Variants in DOCK4 observed in about 807,000 individuals in gnomAD.
DOCK4 encodes dedicator of cytokinesis protein 4.
DOCK4 carries 97 observed loss-of-function variants against 268.1 expected under a neutral mutation model. The observed-to-expected ratio is 0.36, with a 90% confidence interval of 0.31 to 0.43. The LOEUF (loss-of-function observed/expected upper bound fraction) is 0.43. Ranked by LOEUF, DOCK4 falls within the 20% of genes least tolerant of loss-of-function variation. The pLI is 1.00. For synonymous variants in DOCK4, 954 were observed against 887.2 expected (o/e 1.08, Z -1.34); for missense variants, 2,145 against 2,455.7 (o/e 0.87, Z 2.67).
In DOCK4 at chr7:111,726,492, C is replaced by T. The variant is rs1053511631; in HGVS notation, c.*1782G>A. On this transcript the variant is annotated 3_prime_UTR_variant, in exon 53 of 53. Coordinates refer to ENST00000428084, the MANE Select transcript of DOCK4 (RefSeq NM_001363540.2). ...ATATATATGAATGTGGTTACAAACA[C>T]GAAGTGTTATCAAAAGCAAAAGCTA... 1.3e-5 allele frequency: 2 copies of T among 152,246 alleles called. No individual in the cohort carries two copies. Among genetic ancestry groups the T allele is most frequent in the Admixed American group, 1.3e-4 (2 of 15,278 alleles). The allele number at this position is 152,246 out of a possible 1,614,324, so 9.4% of individuals were successfully genotyped here.
chr7:111,755,265 G>A (rs1183041335), intron 42 of DOCK4, among the ~76,000 whole-genome samples: 3 of 151,388 alleles, frequency 2.0e-5, no homozygotes, highest in African/African-American at 4.9e-5. Context: ...TAACTCAAGG[G>A]CCTGAATAGT....
chr7:111,950,234 T>C (rs1586471636), intron 8 of DOCK4, among the ~76,000 whole-genome samples: 2 of 152,212 alleles, frequency 1.3e-5, no homozygotes, highest in African/African-American at 4.8e-5. Context: ...GCCAATAATA[T>C]TGCATTCTGG....
intron 13 of DOCK4, among the ~76,000 whole-genome samples, chr7:111,910,729 C>T (rs993457538): frequency 3.3e-5 from 5 of 152,160 alleles, no homozygotes; most frequent in South Asian, 2.1e-4. Flanking sequence ...TAGCCCAGAC[C>T]GTGGAACGCC....
chr7:111,727,003 C>T lies in DOCK4; in HGVS notation c.*1271G>A, dbSNP rs1392819395. ...CCAACAAAAGAGGGAAAATATTTAA[C>T]AGTATGATTTAAAATACAGTTCATA... On this transcript the variant is annotated 3_prime_UTR_variant, in exon 53 of 53. Transcript: ENST00000428084. The T allele has an allele frequency of 6.6e-6, 1 of 152,558 alleles. No homozygotes were observed. The highest frequency in any genetic ancestry group is 1.5e-5 in the Non-Finnish European group (1 of 68,014). The allele number at this position is 152,558 out of a possible 1,614,324, so 9.5% of individuals were successfully genotyped here. A position where few individuals can be genotyped will look rare whatever the true frequency, so the allele number is the denominator to read the frequency against.
chr7:112,104,302 C>A (rs373165049), intron 1 of DOCK4, among the ~76,000 whole-genome samples: 1 of 152,144 alleles, frequency 6.6e-6, no homozygotes, highest in Non-Finnish European at 1.5e-5. Context: ...ATGAATCATA[C>A]CATTCAGCAA....
intron 5 of DOCK4, among the ~76,000 whole-genome samples, chr7:111,991,293 T>G (rs1484419088): frequency 6.6e-6 from 1 of 152,218 alleles, no homozygotes; most frequent in African/African-American, 2.4e-5. Flanking sequence ...ACTGCAGGCC[T>G]GGCCAGCAAA....
chr7:111,907,718 T>C (rs1048554005), intron 13 of DOCK4, among the ~76,000 whole-genome samples: 2 of 152,120 alleles, frequency 1.3e-5, no homozygotes, highest in South Asian at 2.1e-4. Flanking sequence ...AGGATATATA[T>C]AGATACATTA....
At chr7:111,738,473 G>C (rs1464365687) in intron 49 of DOCK4, among the ~76,000 whole-genome samples, 9 of 152,224 alleles carry the variant, frequency 5.9e-5, no homozygotes, top group Admixed American at 4.6e-4. Context: ...TAGTTTAAGA[G>C]GTTCCCCCAG....
At chr7:111,844,503 GT>G (rs1803941552) in intron 25 of DOCK4, among the ~76,000 whole-genome samples, 1 of 152,176 alleles carries the variant, frequency 6.6e-6, no homozygotes, top group Non-Finnish European at 1.5e-5. Flanking sequence ...AAAATCTTGG[GT>G]TAATTTAAAC....
intron 17 of DOCK4, among the ~76,000 whole-genome samples, 162 bp downstream of exon 17, chr7:111,876,868 C>CACT (rs1806934619): frequency 6.6e-6 from 1 of 150,874 alleles, no homozygotes; most frequent in African/African-American, 2.4e-5. Context: ...TTCAACAGGT[C>CACT]ACTGGGTCAC....
chr7:111,763,564 T>A (rs1797584297), intron 39 of DOCK4, among the ~76,000 whole-genome samples: 1 of 152,252 alleles, frequency 6.6e-6, no homozygotes, highest in South Asian at 2.1e-4. Context: ...TTAAACTACT[T>A]CTAATTTTTT....
intron 8 of DOCK4, among the ~76,000 whole-genome samples, chr7:111,950,092 A>C (rs1326707654): frequency 6.6e-6 from 1 of 152,064 alleles, no homozygotes; most frequent in Non-Finnish European, 1.5e-5. Flanking sequence ...CCACTCAGCT[A>C]ATTTTTAGAT....
intron 8 of DOCK4, among the ~76,000 whole-genome samples, chr7:111,952,918 C>A (rs560037376): frequency 6.6e-6 from 1 of 152,194 alleles, no homozygotes; most frequent in African/African-American, 2.4e-5. Context: ...AAAAAGCAGT[C>A]ATTTGTCTTA....
intron 23 of DOCK4, among the ~76,000 whole-genome samples, chr7:111,862,248 A>C (rs28714364): frequency 2.6e-5 from 4 of 151,368 alleles, no homozygotes; most frequent in African/African-American, 9.7e-5. Context: ...GCAGTGAGCC[A>C]AGATCATGCC....
chr7:112,193,473 C>T (rs188479792), intron 1 of DOCK4, among the ~76,000 whole-genome samples: 4 of 151,990 alleles, frequency 2.6e-5, no homozygotes, highest in South Asian at 4.2e-4. Context: ...GTGGTGCATG[C>T]CTATAGTCCC....
chr7:111,821,176 C>G (rs1801946609), intron 27 of DOCK4: 1 of 152,174 alleles, frequency 6.6e-6, no homozygotes, highest in South Asian at 2.1e-4. Flanking sequence ...GCAGCAGAAG[C>G]CATATTGAGC....
intron 1 of DOCK4, among the ~76,000 whole-genome samples, chr7:112,147,571 A>G (rs1815630084): frequency 6.6e-6 from 1 of 152,134 alleles, no homozygotes; most frequent in Non-Finnish European, 1.5e-5. Flanking sequence ...ATACCCTCAA[A>G]GGTATTTCCT....
At chr7:112,125,240 C>A (rs1458407360) in intron 1 of DOCK4, among the ~76,000 whole-genome samples, 1 of 152,184 alleles carries the variant, frequency 6.6e-6, no homozygotes, top group Non-Finnish European at 1.5e-5. Context: ...CAATGCTCCC[C>A]CCCTGCCCCA....
intron 1 of DOCK4, among the ~76,000 whole-genome samples, chr7:112,102,013 T>G (rs565661464): frequency 6.6e-6 from 1 of 152,146 alleles, no homozygotes; most frequent in African/African-American, 2.4e-5. Context: ...CAGCTAATTT[T>G]AGTAGAGATG....
Sources: allele counts gnomAD v4.1 joint callset (sites outside exome capture counted in the v4.1 genomes callset), GRCh38; gene constraint gnomAD v4.1.1; transcripts MANE v1.5; gene names NCBI Gene and HGNC (gene_info 2026-07-23, HGNC 2026-07-21).